The following TAFA1 variants were observed in gnomAD, a reference collection of about 807,000 sequenced individuals.
TAFA1 encodes TAFA chemokine like family member 1, also known as chemokine-like protein TAFA-1.
A neutral mutation model predicts 18.5 loss-of-function variants in TAFA1; 4 were observed. The ratio of observed to expected loss-of-function variants is 0.22; its 90% CI spans 0.11 to 0.49. The LOEUF (loss-of-function observed/expected upper bound fraction) is 0.49. Ranked by LOEUF, TAFA1 falls within the 20% of genes least tolerant of loss-of-function variation. TAFA1 has a pLI of 0.98. For synonymous variants in TAFA1, 56 were observed against 55.2 expected (o/e 1.01, Z -0.06); for missense variants, 147 against 169.0 (o/e 0.87, Z 0.72).
At chr3:68,086,614 A>T (rs1015284578) in intron 2 of TAFA1, among the ~76,000 whole-genome samples, 2 of 152,222 alleles carry the variant, frequency 1.3e-5, no homozygotes, top group South Asian at 2.1e-4. Flanking sequence ...GGGATATTTT[A>T]AAAGTATCTT....
intron 2 of TAFA1, among the ~76,000 whole-genome samples, chr3:68,389,023 C>T (rs6549119): frequency 6.6e-6 from 1 of 152,114 alleles, no homozygotes; most frequent in African/African-American, 2.4e-5. Flanking sequence ...TTAAAGGTCA[C>T]ATTACTATTT....
At chr3:68,539,798 T>G (rs753132705) in intron 4 of TAFA1, among the ~76,000 whole-genome samples, 9 of 151,544 alleles carry the variant, frequency 5.9e-5, no homozygotes, top group Non-Finnish European at 1.0e-4. Flanking sequence ...CTCACTCTGT[T>G]GCCCAGGCTG....
chr3:68,448,221 G>A (rs994137450), intron 3 of TAFA1, among the ~76,000 whole-genome samples: 3 of 152,276 alleles, frequency 2.0e-5, no homozygotes, highest in African/African-American at 7.2e-5. Flanking sequence ...AAGGTCCACA[G>A]ACAACTTCTG....
chr3:68,109,395 T>C (rs2065239612), intron 2 of TAFA1, among the ~76,000 whole-genome samples: 1 of 152,150 alleles, frequency 6.6e-6, no homozygotes, highest in Non-Finnish European at 1.5e-5. Flanking sequence ...GATTTTTTAA[T>C]CAATTATGCC....
intron 2 of TAFA1, among the ~76,000 whole-genome samples, chr3:68,243,965 T>C (rs1307439396): frequency 6.6e-6 from 1 of 152,228 alleles, no homozygotes; most frequent in Non-Finnish European, 1.5e-5. Flanking sequence ...TCACTCTTTT[T>C]CAGTTTGGTC....
intron 2 of TAFA1, among the ~76,000 whole-genome samples, chr3:68,238,719 T>C (rs2066960353): frequency 6.6e-6 from 1 of 152,154 alleles, no homozygotes; most frequent in Admixed American, 6.5e-5. Context: ...AACAGAAACA[T>C]GGACATTTCA....
rs2071530684 is a variant in TAFA1, at chr3:68,449,392, G to C, written c.259+31972G>C. 2.0e-5 allele frequency among the ~76,000 whole-genome samples: 3 copies of C among 152,148 alleles called. No individual in the cohort carries two copies. The South Asian group carries it at 6.2e-4, about 32-fold the overall frequency. Reference sequence around the variant, plus strand: ...AAGGGCGAGAACAGAGAAGGTCCTAGCTGCTTTGTTAGAGAATGTAGGCGG... The same window carrying C: ...AAGGGCGAGAACAGAGAAGGTCCTACCTGCTTTGTTAGAGAATGTAGGCGG... On this transcript the variant is annotated intron_variant, in intron 3 of 4. Transcript: ENST00000478136.
At chr3:68,058,681 A>G (rs963834969) in intron 2 of TAFA1, among the ~76,000 whole-genome samples, 2 of 152,226 alleles carry the variant, frequency 1.3e-5, no homozygotes, top group Non-Finnish European at 1.5e-5. Flanking sequence ...ACAAAGCCAC[A>G]CACATTTAGT....
chr3:68,113,017 A>G (rs1157650621), intron 2 of TAFA1, among the ~76,000 whole-genome samples: 1 of 152,168 alleles, frequency 6.6e-6, no homozygotes, highest in Non-Finnish European at 1.5e-5. Flanking sequence ...TTTACACTCA[A>G]TGTCGTGTAT....
At chr3:68,454,786 GC>G (rs1169397372) in intron 3 of TAFA1, among the ~76,000 whole-genome samples, 4 of 152,054 alleles carry the variant, frequency 2.6e-5, no homozygotes, top group African/African-American at 7.2e-5. Flanking sequence ...TGTCCCTAAG[GC>G]CAACCCCCAG....
At chr3:68,283,705 A>G (rs1033558484) in intron 2 of TAFA1, among the ~76,000 whole-genome samples, 1 of 152,164 alleles carries the variant, frequency 6.6e-6, no homozygotes, top group African/African-American at 2.4e-5. Flanking sequence ...GTATCTAGCA[A>G]ACATTACTTC....
At chr3:68,349,593 G>A (rs2069228004) in intron 2 of TAFA1, among the ~76,000 whole-genome samples, 2 of 152,092 alleles carry the variant, frequency 1.3e-5, no homozygotes, top group African/African-American at 4.8e-5. Context: ...TAAGCAGCAA[G>A]TTGTACCTGG....
At chr3:68,470,914 C>T (rs140334564) in intron 3 of TAFA1, among the ~76,000 whole-genome samples, 492 of 152,140 alleles carry the variant, frequency 3.2e-3, no homozygotes, top group Non-Finnish European at 6.2e-3. Flanking sequence ...TGTCTGAGAC[C>T]CTTGGCAGCC....
chr3:68,139,220 A>G (rs372837684), intron 2 of TAFA1, among the ~76,000 whole-genome samples: 4 of 152,318 alleles, frequency 2.6e-5, no homozygotes, highest in African/African-American at 9.6e-5. Flanking sequence ...GACATACCGA[A>G]TATCAGGTCA....
intron 2 of TAFA1, among the ~76,000 whole-genome samples, chr3:68,314,636 G>A (rs921537585): frequency 3.3e-5 from 5 of 152,076 alleles, no homozygotes; most frequent in Non-Finnish European, 7.4e-5. Context: ...TGAATAAGTC[G>A]CCTTTTCACT....
chr3:68,228,742 TA>T (rs2066834303), intron 2 of TAFA1, among the ~76,000 whole-genome samples: 1 of 152,230 alleles, frequency 6.6e-6, no homozygotes. Context: ...CTTTGCTTCT[TA>T]GTAAAACCAG....
intron 2 of TAFA1, among the ~76,000 whole-genome samples, chr3:68,074,950 G>C (rs1225726353): frequency 6.6e-6 from 1 of 152,188 alleles, no homozygotes; most frequent in Admixed American, 6.5e-5. Flanking sequence ...GTAAAGAGTA[G>C]TCCTTTGGAT....
At position 68,395,487 on chromosome 3, in the gene TAFA1, C is replaced by G. The variant is rs72499073; in HGVS notation, c.119-21793C>G. Reference sequence around the variant, plus strand: ...AATCATTGCACTATAAAGACACATACGTTTACTGCACATGCACACATACGT... The same window carrying G: ...AATCATTGCACTATAAAGACACATAGGTTTACTGCACATGCACACATACGT... On this transcript the variant is annotated intron_variant, in intron 2 of 4. Coordinates refer to ENST00000478136, the MANE Select transcript of TAFA1 (RefSeq NM_213609.4). Among the ~76,000 whole-genome samples, 414 of 152,148 alleles carry G rather than the reference C, an allele frequency of 2.7e-3. 1 individual carries two copies. Among genetic ancestry groups the G allele is most frequent in the African/African-American group, 9.3e-3 (385 of 41,526 alleles).
intron 2 of TAFA1, among the ~76,000 whole-genome samples, chr3:68,202,433 A>G (rs115615052): frequency 8.5e-4 from 129 of 151,356 alleles, no homozygotes; most frequent in African/African-American, 2.9e-3. Context: ...CTTTGTTCCT[A>G]TTTTTGTCTG....
Sources: allele counts gnomAD v4.1 joint callset (sites outside exome capture counted in the v4.1 genomes callset), GRCh38; gene constraint gnomAD v4.1.1; transcripts MANE v1.5; gene names NCBI Gene and HGNC (gene_info 2026-07-23, HGNC 2026-07-21).